GOLGA7: variants seen among roughly 807,000 people sequenced by gnomAD.
The protein encoded by GOLGA7 is golgin A7.
Under a neutral mutation model 21.1 loss-of-function variants are expected in GOLGA7, and 10 were observed. The observed-to-expected ratio is 0.47, with a 90% CI of 0.29 to 0.80. The LOEUF (loss-of-function observed/expected upper bound fraction) is 0.80, where lower values mean the gene tolerates loss of function less well. Ranked by LOEUF, GOLGA7 falls within the 30% of genes least tolerant of loss-of-function variation. The pLI is 0.08. For synonymous variants in GOLGA7, 64 were observed against 62.6 expected (o/e 1.02, Z -0.10); for missense variants, 114 against 166.8 (o/e 0.68, Z 1.74).
intron 1 of GOLGA7, among the ~76,000 whole-genome samples, chr8:41,493,084 C>G (rs1414552819): frequency 1.3e-5 from 2 of 152,230 alleles, no homozygotes; most frequent in Non-Finnish European, 2.9e-5. Context: ...TTACATGGCA[C>G]TCTTCAATTG....
chr8:41,507,913 C>T (rs1007318833), intron 4 of GOLGA7, among the ~76,000 whole-genome samples: 3 of 152,146 alleles, frequency 2.0e-5, no homozygotes, highest in Admixed American at 6.5e-5. Flanking sequence ...CAGAATGTAC[C>T]AAAGCAGACA....
At position 41,510,773 on chromosome 8, in the gene GOLGA7, G is replaced by A. The variant is rs1039819492; in HGVS notation, c.*1205G>A. ...TAAAAGTTTCACTGTCAGATATATTGTAGGTGCTAATACTGGATTTCGTCT... is the reference window on the plus strand; with the variant it reads ...TAAAAGTTTCACTGTCAGATATATTATAGGTGCTAATACTGGATTTCGTCT... On this transcript the variant is annotated 3_prime_UTR_variant, in exon 5 of 5. Transcript: ENST00000357743. 6.5e-6 allele frequency: 1 copy of A among 152,864 alleles called. No individual in the cohort carries two copies. The highest frequency in any genetic ancestry group is 2.4e-5 in the African/African-American group (1 of 41,452). 9.5% of individuals were successfully genotyped at this position (152,864 alleles called of 1,614,324 possible). A position where few individuals can be genotyped will look rare whatever the true frequency, so the allele number is the denominator to read the frequency against.
rs559080258 is a variant in GOLGA7, at chr8:41,510,680, T to C, written c.*1112T>C. The C allele has an allele frequency of 1.2e-4, 19 of 152,816 alleles. No homozygotes were observed. The highest frequency in any genetic ancestry group is 4.6e-4 in the African/African-American group (19 of 41,576). The allele number at this position is 152,816 out of a possible 1,614,324, so 9.5% of individuals were successfully genotyped here. ...ATCGGGGCTGCTTATGCCTTTCGTT[T>C]ATCCTTGGGGTTTGAGAGCGCTGTA... On this transcript the variant is annotated 3_prime_UTR_variant, in exon 5 of 5. Transcript: ENST00000357743.
At chr8:41,491,925 G>T (rs565061074) in intron 1 of GOLGA7, among the ~76,000 whole-genome samples, 2 of 152,166 alleles carry the variant, frequency 1.3e-5, no homozygotes, top group African/African-American at 4.8e-5. Flanking sequence ...TTGGGTGTGG[G>T]ACTGAGAGAT....
intron 1 of GOLGA7, among the ~76,000 whole-genome samples, chr8:41,496,404 C>G (rs974480388): frequency 3.3e-5 from 5 of 151,848 alleles, no homozygotes; most frequent in Non-Finnish European, 5.9e-5. Flanking sequence ...GATTTTGGAG[C>G]CTTTCTGACT....
At chr8:41,498,825 A>T (rs1411717934) in intron 2 of GOLGA7, among the ~76,000 whole-genome samples, 2 of 152,198 alleles carry the variant, frequency 1.3e-5, no homozygotes, top group African/African-American at 4.8e-5. Context: ...TATATCAGGC[A>T]CTCATTGAAT....
chr8:41,500,902 A>G (rs1468809603), intron 2 of GOLGA7, among the ~76,000 whole-genome samples: 1 of 152,204 alleles, frequency 6.6e-6, no homozygotes, highest in Non-Finnish European at 1.5e-5. Context: ...ATATGTTGAT[A>G]GTTGGTATGA....
chr8:41,506,247 T>A (rs1797417773), intron 3 of GOLGA7, among the ~76,000 whole-genome samples: 1 of 152,152 alleles, frequency 6.6e-6, no homozygotes, highest in Admixed American at 6.5e-5. Context: ...CTTGTCACCA[T>A]CTTTCCTGGT....
intron 1 of GOLGA7, among the ~76,000 whole-genome samples, 155 bp downstream of exon 1, chr8:41,491,120 C>T (rs1805872808): frequency 6.6e-6 from 1 of 152,172 alleles, no homozygotes; most frequent in Non-Finnish European, 1.5e-5. Flanking sequence ...AAGAAGAGAG[C>T]CACTAAGCAA....
chr8:41,496,819 T>TC (rs1806027011), intron 1 of GOLGA7, among the ~76,000 whole-genome samples: 1 of 145,540 alleles, frequency 6.9e-6, no homozygotes, highest in African/African-American at 2.6e-5. Context: ...TTTTTTTTTT[T>TC]TTTTTTGAGA....
chr8:41,497,187 TC>T (rs1358465594), intron 1 of GOLGA7, among the ~76,000 whole-genome samples: 1 of 151,708 alleles, frequency 6.6e-6, no homozygotes, highest in African/African-American at 2.4e-5. Context: ...CAGTGCTTTA[TC>T]TTGAGATTTT....
chr8:41,499,486 T>C (rs750968118), intron 2 of GOLGA7, among the ~76,000 whole-genome samples: 1 of 152,056 alleles, frequency 6.6e-6, no homozygotes, highest in Non-Finnish European at 1.5e-5. Flanking sequence ...TCTCAGCAGA[T>C]GGGGGAGCCA....
At position 41,507,560 on chromosome 8, in the gene GOLGA7, A is replaced by G. The variant is rs754604437; in HGVS notation, c.*15+439A>G. ...GGAGTGGGGAGATTCTGAATATTTCATTTATTATGTTTAAGTGGCTTCAGA... is the reference window on the plus strand; with the variant it reads ...GGAGTGGGGAGATTCTGAATATTTCGTTTATTATGTTTAAGTGGCTTCAGA... On this transcript the variant is annotated intron_variant, in intron 4 of 4. Coordinates refer to ENST00000357743, the MANE Select transcript of GOLGA7 (RefSeq NM_001002296.2). Among the ~76,000 whole-genome samples, 6 of 152,198 alleles carry G rather than the reference A, an allele frequency of 3.9e-5. No homozygotes were observed. The East Asian group carries it at 5.8e-4, about 15-fold the overall frequency.
intron 1 of GOLGA7, among the ~76,000 whole-genome samples, chr8:41,494,577 C>A (rs1214913806): frequency 6.6e-6 from 1 of 152,144 alleles, no homozygotes; most frequent in Non-Finnish European, 1.5e-5. Context: ...GCTGAGCTCT[C>A]CTCAGTCTGT....
At chr8:41,499,627 G>A (rs1354581401) in intron 2 of GOLGA7, among the ~76,000 whole-genome samples, 1 of 152,170 alleles carries the variant, frequency 6.6e-6, no homozygotes, top group African/African-American at 2.4e-5. Flanking sequence ...CTACGCCAGT[G>A]TGTTCCTCTT....
chr8:41,500,565 A>G (rs1452641466), intron 2 of GOLGA7, among the ~76,000 whole-genome samples: 1 of 152,174 alleles, frequency 6.6e-6, no homozygotes, highest in Non-Finnish European at 1.5e-5. Context: ...AAAGGATTTA[A>G]TCAAGAGAGT....
chr8:41,500,453 T>C (rs1272958945), intron 2 of GOLGA7, among the ~76,000 whole-genome samples: 1 of 152,106 alleles, frequency 6.6e-6, no homozygotes, highest in Non-Finnish European at 1.5e-5. Context: ...CAGAGAATGA[T>C]GGGAGGTGGA....
Position 41,497,600 on chromosome 8 carries a change from G to A in GOLGA7, c.203G>A (p.Gly68Asp), listed in dbSNP as rs1806051783. ...CTCGGCGGCCAGTCATATCTCGAAG[G>A]TTGTTTGGCTTGTTTAACAGCATAT... ...EKLGGQSYLE[G>D]CLACLTAYTI... The change falls in exon 2 of 5, where the codon GGT becomes GAT. Residue 68 changes from glycine (G) to aspartate (D), a missense_variant. Gly to Asp is a moderately conservative substitution (Grantham distance 94). Coordinates refer to ENST00000357743, the MANE Select transcript of GOLGA7 (RefSeq NM_001002296.2). 1 of 1,585,574 alleles carries A rather than the reference G, an allele frequency of 6.3e-7. No homozygotes were observed. The highest frequency in any genetic ancestry group is 8.7e-7 in the Non-Finnish European group (1 of 1,154,194).
At position 41,494,704 on chromosome 8, in the gene GOLGA7, G is replaced by A. The variant is rs559764549; in HGVS notation, c.112-2805G>A. Among the ~76,000 whole-genome samples the A allele has an allele frequency of 3.3e-5, 5 of 152,208 alleles. 1 individual carries two copies. Among genetic ancestry groups the A allele is most frequent in the South Asian group, 2.1e-4 (1 of 4,818 alleles). ...TTTAAAGGCCGTCTTGACCCACCTA[G>A]CCTTTGTCCAAATCTCTAATATTCC... On this transcript the variant is annotated intron_variant, in intron 1 of 4. Transcript: ENST00000357743.
Sources: gnomAD v4.1 joint callset for allele counts (sites outside exome capture counted in the v4.1 genomes callset) on GRCh38, gnomAD v4.1.1 for gene constraint, MANE v1.5 for transcripts, NCBI Gene and HGNC (gene_info 2026-07-23, HGNC 2026-07-21) for gene names.